GADL1: variants seen among roughly 807,000 people sequenced by gnomAD.
The protein encoded by GADL1 is GAD like acidic amino acid decarboxylase 1, also known as acidic amino acid decarboxylase GADL1.
In GADL1, 71 loss-of-function variants were observed where a neutral mutation model predicts 69.5. That is an observed-to-expected ratio of 1.02 (90% CI 0.84 to 1.25). GADL1 has a LOEUF of 1.25. GADL1 is among the 50% of genes most tolerant of loss of function. The pLI is 0.00. For missense variants in GADL1, 737 were observed against 631.8 expected, an observed-to-expected ratio of 1.17 and a Z score of -1.79; for synonymous variants, 254 against 214.4, an observed-to-expected ratio of 1.18 and a Z score of -1.62.
At chr3:30,759,384 C>G (rs536909792) in intron 14 of GADL1, among the ~76,000 whole-genome samples, 2 of 152,188 alleles carry the variant, frequency 1.3e-5, no homozygotes, top group Admixed American at 6.5e-5. Flanking sequence ...CTTGTTCCTG[C>G]TCATAATTCT....
At chr3:30,774,311 G>A (rs1398761218) in intron 14 of GADL1, among the ~76,000 whole-genome samples, 1 of 152,114 alleles carries the variant, frequency 6.6e-6, no homozygotes, top group African/African-American at 2.4e-5. Flanking sequence ...AAATGTATGA[G>A]GTAAGAAGCT....
chr3:30,813,061 AAG>A (rs1279041298), intron 11 of GADL1, among the ~76,000 whole-genome samples: 1 of 152,290 alleles, frequency 6.6e-6, no homozygotes, highest in African/African-American at 2.4e-5. Flanking sequence ...AGGGAAACAG[AAG>A]AGATTACAGA....
chr3:30,766,542 A>T (rs931472711), intron 14 of GADL1, among the ~76,000 whole-genome samples: 1 of 145,348 alleles, frequency 6.9e-6, no homozygotes, highest in Admixed American at 7.0e-5. Context: ...AATCCATAAC[A>T]TATCATTACT....
chr3:30,839,320 A>C (rs1697925634), intron 8 of GADL1, among the ~76,000 whole-genome samples: 1 of 152,028 alleles, frequency 6.6e-6, no homozygotes, highest in Non-Finnish European at 1.5e-5. Flanking sequence ...ATGCTATGGC[A>C]ATAGCATTTT....
intron 11 of GADL1, among the ~76,000 whole-genome samples, chr3:30,805,792 T>A (rs993302142): frequency 1.4e-5 from 2 of 141,682 alleles, no homozygotes; most frequent in African/African-American, 5.4e-5. Flanking sequence ...GGGAGACAGT[T>A]TTTCCACAGA....
At chr3:30,779,125 T>G (rs978255535) in intron 13 of GADL1, 59 of 152,332 alleles carry the variant, frequency 3.9e-4, no homozygotes, top group African/African-American at 1.4e-3. Flanking sequence ...CCAGCCTTTG[T>G]CACGCAGACA....
chr3:30,863,404 G>A (rs949090217), intron 1 of GADL1, among the ~76,000 whole-genome samples: 2 of 151,942 alleles, frequency 1.3e-5, no homozygotes, highest in Non-Finnish European at 2.9e-5. Context: ...TGTACATGCC[G>A]ATCATTGACT....
Position 30,850,127 on chromosome 3 carries a change from T to C in GADL1, c.536-16A>G, listed in dbSNP as rs1698127309. On this transcript the variant is annotated splice_polypyrimidine_tract_variant and intron_variant, in intron 5 of 14. Coordinates refer to ENST00000282538, the MANE Select transcript of GADL1 (RefSeq NM_207359.3). ...ACTGAGCCACCTGCAAAAACAAAAT[T>C]AAAATGGCATATTTATAGCATGAAG... is the stretch of plus-strand genomic sequence containing the variant. 1 of 1,344,510 alleles carries C rather than the reference T, an allele frequency of 7.4e-7. No individual in the cohort carries two copies. Among genetic ancestry groups the C allele is most frequent in the Non-Finnish European group, 1.1e-6 (1 of 936,716 alleles). 83.3% of individuals were successfully genotyped at this position (1,344,510 alleles called of 1,614,324 possible).
chr3:30,832,145 A>G (rs1459911186), intron 11 of GADL1, among the ~76,000 whole-genome samples: 2 of 151,910 alleles, frequency 1.3e-5, no homozygotes, highest in Non-Finnish European at 2.9e-5. Context: ...ACTGATTGCC[A>G]CATCTCATAT....
rs147989138 is a variant in GADL1, at chr3:30,784,335, A to G, written c.1302+2020T>C. On this transcript the variant is annotated intron_variant, in intron 13 of 14. Transcript: ENST00000282538. The stretch of plus-strand genomic sequence containing the variant: ...GCCTCTTCGGTCTCTTTGAACCTAA[A>G]GAGATTATCACTACTCCCTCTGTTT... 1.5e-4 allele frequency among the ~76,000 whole-genome samples: 23 copies of G among 152,326 alleles called. 1 individual carries two copies. The highest frequency in any genetic ancestry group is 4.6e-4 in the African/African-American group (19 of 41,576).
chr3:30,846,977 C>A (rs1698069188), intron 6 of GADL1, among the ~76,000 whole-genome samples: 1 of 152,120 alleles, frequency 6.6e-6, no homozygotes, highest in South Asian at 2.1e-4. Context: ...TGATTACTGG[C>A]CTGGGAGGTA....
At chr3:30,882,747 A>G (rs1698659328) in intron 1 of GADL1, among the ~76,000 whole-genome samples, 1 of 151,918 alleles carries the variant, frequency 6.6e-6, no homozygotes, top group Non-Finnish European at 1.5e-5. Context: ...ATGCTATTTT[A>G]CATAGCAGTT....
At chr3:30,758,191 C>T (rs1194660520) in intron 14 of GADL1, among the ~76,000 whole-genome samples, 1 of 152,180 alleles carries the variant, frequency 6.6e-6, no homozygotes, top group Non-Finnish European at 1.5e-5. Flanking sequence ...CATTCTTTGC[C>T]TTTGTAGTAC....
chr3:30,874,131 G>T (rs1227154960), intron 1 of GADL1, among the ~76,000 whole-genome samples: 2 of 151,908 alleles, frequency 1.3e-5, no homozygotes, highest in African/African-American at 4.8e-5. Flanking sequence ...GAATTTCTTA[G>T]TGAAGTAGGT....
At chr3:30,795,022 A>C (rs1036847109) in intron 12 of GADL1, among the ~76,000 whole-genome samples, 8 of 152,188 alleles carry the variant, frequency 5.3e-5, no homozygotes, top group South Asian at 2.1e-4. Flanking sequence ...TGGATATTTT[A>C]GCTATAAGAG....
intron 1 of GADL1, among the ~76,000 whole-genome samples, chr3:30,881,809 C>T (rs1338327192): frequency 6.6e-6 from 1 of 151,864 alleles, no homozygotes; most frequent in Non-Finnish European, 1.5e-5. Flanking sequence ...AAGGTGGTAC[C>T]TTTAAATACT....
intron 11 of GADL1, among the ~76,000 whole-genome samples, chr3:30,827,247 C>A (rs1050272935): frequency 1.2e-4 from 18 of 151,014 alleles, no homozygotes; most frequent in Admixed American, 8.6e-4. Context: ...TGAGTGAGAC[C>A]CATTCTGTCC....
At chr3:30,745,918 T>C (rs897453680) in intron 14 of GADL1, among the ~76,000 whole-genome samples, 8 of 152,046 alleles carry the variant, frequency 5.3e-5, no homozygotes, top group Middle Eastern at 3.4e-3. Context: ...TTTCCATTTC[T>C]TCTTCTTCTT....
At chr3:30,803,933 GCT>G (rs1697207140) in intron 11 of GADL1, among the ~76,000 whole-genome samples, 1 of 152,106 alleles carries the variant, frequency 6.6e-6, no homozygotes, top group Non-Finnish European at 1.5e-5. Context: ...TATTTATCTT[GCT>G]CATCTTCATA....
Sources: gnomAD v4.1 joint callset for allele counts (sites outside exome capture counted in the v4.1 genomes callset) on GRCh38, gnomAD v4.1.1 for gene constraint, MANE v1.5 for transcripts, NCBI Gene and HGNC (gene_info 2026-07-23, HGNC 2026-07-21) for gene names.